Variants in CIMIP6 observed in about 807,000 individuals in gnomAD.
CIMIP6 encodes the protein uncharacterized protein C2orf73.
At chr2:54,365,352 G>T in the CIMIP6 span, among the ~76,000 whole-genome samples, 1 of 152,050 alleles carries the variant, frequency 6.6e-6, no homozygotes, top group Non-Finnish European at 1.5e-5. Flanking sequence ...CAATTAATAA[G>T]CCTGCACACA....
the CIMIP6 span, among the ~76,000 whole-genome samples, chr2:54,336,744 A>G: frequency 2.0e-5 from 3 of 152,222 alleles, no homozygotes; most frequent in Non-Finnish European, 4.4e-5. Flanking sequence ...CAGAGCTGCA[A>G]TTTTAAATTG....
chr2:54,354,404 CATT>C, the CIMIP6 span, among the ~76,000 whole-genome samples: 3 of 152,154 alleles, frequency 2.0e-5, no homozygotes, highest in African/African-American at 7.2e-5. Flanking sequence ...GTTGTGGTGA[CATT>C]ATATATTAAT....
At chr2:54,358,221 C>T in the CIMIP6 span, among the ~76,000 whole-genome samples, 934 of 152,322 alleles carry the variant, frequency 6.1e-3, 63 homozygotes, top group East Asian at 0.15. Flanking sequence ...GCCCTAGAGT[C>T]TTCCAATTCC....
chr2:54,353,978 A>G, the CIMIP6 span, among the ~76,000 whole-genome samples: 2 of 152,116 alleles, frequency 1.3e-5, no homozygotes, highest in African/African-American at 4.8e-5. Context: ...TCTTGATTTT[A>G]TACTTTTACC....
chr2:54,358,644 C>T, the CIMIP6 span, among the ~76,000 whole-genome samples: 1 of 152,182 alleles, frequency 6.6e-6, no homozygotes, highest in Admixed American at 6.5e-5. Flanking sequence ...ATCCTCCTGT[C>T]TTGGCCTCCT....
chr2:54,348,901 A>T, the CIMIP6 span, among the ~76,000 whole-genome samples: 2 of 152,174 alleles, frequency 1.3e-5, no homozygotes, highest in Admixed American at 6.5e-5. Context: ...CTTCTACCAC[A>T]CACAATTTCC....
At chr2:54,373,847 T>C in the CIMIP6 span, among the ~76,000 whole-genome samples, 4 of 152,188 alleles carry the variant, frequency 2.6e-5, no homozygotes, top group African/African-American at 9.6e-5. Context: ...ATCTCTTCCC[T>C]GCACCTGTTA....
At chr2:54,368,210 G>A in the CIMIP6 span, among the ~76,000 whole-genome samples, 2 of 152,138 alleles carry the variant, frequency 1.3e-5, no homozygotes. Flanking sequence ...TTCATCAGCA[G>A]CTTATGTATT....
At chr2:54,338,045 G>T in the CIMIP6 span, among the ~76,000 whole-genome samples, 1 of 152,208 alleles carries the variant, frequency 6.6e-6, no homozygotes, top group East Asian at 1.9e-4. Context: ...GCTGAGGCAG[G>T]AAGATTGCTT....
At chr2:54,353,774 A>C in the CIMIP6 span, among the ~76,000 whole-genome samples, 2 of 152,128 alleles carry the variant, frequency 1.3e-5, no homozygotes, top group Non-Finnish European at 2.9e-5. Context: ...GTTCTGTCCC[A>C]TTAGTTCCCA....
chr2:54,348,077 G>A, the CIMIP6 span, among the ~76,000 whole-genome samples: 1 of 152,314 alleles, frequency 6.6e-6, no homozygotes, highest in East Asian at 1.9e-4. Flanking sequence ...AATGCACATT[G>A]AATTTGCCAT....
chr2:54,362,308 A>C, the CIMIP6 span, among the ~76,000 whole-genome samples: 2 of 152,262 alleles, frequency 1.3e-5, no homozygotes, highest in Non-Finnish European at 2.9e-5. Flanking sequence ...AATGACTATA[A>C]TTTCAGAACT....
At chr2:54,378,075 G>A in the CIMIP6 span, among the ~76,000 whole-genome samples, 1 of 152,196 alleles carries the variant, frequency 6.6e-6, no homozygotes, top group African/African-American at 2.4e-5. Flanking sequence ...AGAGCCGGGA[G>A]CATCAGGACA....
At chr2:54,383,979 G>A in the CIMIP6 span, among the ~76,000 whole-genome samples, 1 of 152,128 alleles carries the variant, frequency 6.6e-6, no homozygotes, top group Non-Finnish European at 1.5e-5. Flanking sequence ...CCCTCCCCAG[G>A]TGCAACCCCT....
the CIMIP6 span, among the ~76,000 whole-genome samples, chr2:54,354,376 A>C: frequency 6.6e-5 from 10 of 152,292 alleles, no homozygotes; most frequent in East Asian, 1.7e-3. Flanking sequence ...CAAAATATCC[A>C]GCTAGAATTT....
At chr2:54,331,767 A>T in the CIMIP6 span, among the ~76,000 whole-genome samples, 2 of 151,932 alleles carry the variant, frequency 1.3e-5, no homozygotes, top group Non-Finnish European at 1.5e-5. Flanking sequence ...TGTACCTTAA[A>T]TTGAGACTAT....
chr2:54,350,462 T>C, the CIMIP6 span, among the ~76,000 whole-genome samples: 990 of 152,322 alleles, frequency 6.5e-3, 9 homozygotes, highest in African/African-American at 0.022. Flanking sequence ...ACTGGGCCTC[T>C]CCTTCTCCAG....
chr2:54,360,313 C>A, the CIMIP6 span: 1 of 1,611,424 alleles, frequency 6.2e-7, no homozygotes, highest in Non-Finnish European at 8.5e-7. Context: ...CAGAACAGTC[C>A]AAAAAAACAG....
chr2:54,368,479 A>C, the CIMIP6 span, among the ~76,000 whole-genome samples: 31 of 152,252 alleles, frequency 2.0e-4, no homozygotes, highest in African/African-American at 7.5e-4. Flanking sequence ...CTATGCAATA[A>C]AGGATTAATC....
Sources: gnomAD v4.1 joint callset for allele counts (sites outside exome capture counted in the v4.1 genomes callset) on GRCh38, gnomAD v4.1.1 for gene constraint, MANE v1.5 for transcripts, NCBI Gene and HGNC (gene_info 2026-07-23, HGNC 2026-07-21) for gene names.